The following UBE3A variants were observed in gnomAD, a reference collection of about 807,000 sequenced individuals.
UBE3A encodes the protein ubiquitin-protein ligase E3A.
Under a neutral mutation model 83.4 loss-of-function variants are expected in UBE3A, and 6 were observed. That is an observed-to-expected ratio of 0.07 (90% CI 0.04 to 0.14). The LOEUF is 0.14. Ranked by LOEUF, UBE3A falls within the 10% of genes least tolerant of loss-of-function variation. The pLI is 1.00. For missense variants in UBE3A, 456 were observed against 1,036.1 expected, an observed-to-expected ratio of 0.44 and a Z score of 7.69; for synonymous variants, 337 against 355.4, an observed-to-expected ratio of 0.95 and a Z score of 0.58.
At chr15:25,400,059 T>C (rs771808874) in intron 4 of UBE3A, among the ~76,000 whole-genome samples, 9 of 152,350 alleles carry the variant, frequency 5.9e-5, no homozygotes, top group East Asian at 3.9e-4. Flanking sequence ...AAATTTAACA[T>C]TGGAATTTTG....
chr15:25,413,164 C>A (rs1033574426), intron 1 of UBE3A: 1 of 337,030 alleles, frequency 3.0e-6, no homozygotes, highest in South Asian at 2.3e-5. Context: ...GCCAATTTAA[C>A]CATAAGAATC....
At chr15:25,405,993 G>A (rs1474042994) in intron 3 of UBE3A, among the ~76,000 whole-genome samples, 1 of 152,182 alleles carries the variant, frequency 6.6e-6, no homozygotes, top group Non-Finnish European at 1.5e-5. Flanking sequence ...TTATTGGGAT[G>A]CAGCCATACT....
At position 25,370,141 on chromosome 15, in the gene UBE3A, C is replaced by T. The variant is rs944485921; in HGVS notation, c.1608+425G>A. The stretch of plus-strand genomic sequence containing the variant: ...CAATAATGCAACTCTGAATTTTACA[C>T]GATGGAATTTTTTGGACACTACCTA... On this transcript the variant is annotated intron_variant, in intron 6 of 12. Coordinates refer to ENST00000648336, the MANE Select transcript of UBE3A (RefSeq NM_130839.5). The surrounding 1 kb of genome is among the most constrained non-coding windows in gnomAD (Gnocchi z 4.2). 1.3e-5 allele frequency among the ~76,000 whole-genome samples: 2 copies of T among 152,142 alleles called. No homozygotes were observed. Among genetic ancestry groups the T allele is most frequent in the Non-Finnish European group, 2.9e-5 (2 of 68,024 alleles).
At chr15:25,407,052 A>T (rs762475902) in intron 3 of UBE3A, 30 of 1,337,976 alleles carry the variant, frequency 2.2e-5, no homozygotes, top group Non-Finnish European at 2.9e-5. Flanking sequence ...CAAGCAAATC[A>T]CCTATGTGAC....
chr15:25,362,410 T>C (rs569600887), intron 6 of UBE3A, among the ~76,000 whole-genome samples: 1 of 152,306 alleles, frequency 6.6e-6, no homozygotes, highest in South Asian at 2.1e-4. Context: ...AACTCTCACT[T>C]ACCATAACTT....
At chr15:25,378,135 GTC>G (rs887502796) in intron 4 of UBE3A, among the ~76,000 whole-genome samples, 68 of 151,960 alleles carry the variant, frequency 4.5e-4, no homozygotes, top group Admixed American at 1.9e-3. Flanking sequence ...TTACTAAATT[GTC>G]TCTGATTTTT....
chr15:25,417,985 T>C (rs1179056230), intron 1 of UBE3A: 3 of 152,068 alleles, frequency 2.0e-5, no homozygotes, highest in Non-Finnish European at 4.4e-5. Context: ...AGAACGTACT[T>C]ACACAAATCT....
chr15:25,394,266 A>G (rs902509764), intron 4 of UBE3A, among the ~76,000 whole-genome samples: 1 of 152,146 alleles, frequency 6.6e-6, no homozygotes, highest in African/African-American at 2.4e-5. Flanking sequence ...GAGATTTTTC[A>G]ATTTCTCTTC....
chr15:25,367,071 T>G (rs1391701131), intron 6 of UBE3A, among the ~76,000 whole-genome samples: 1 of 151,674 alleles, frequency 6.6e-6, no homozygotes, highest in East Asian at 1.9e-4. Flanking sequence ...CTTTAAGAAG[T>G]AATTTAAAAA....
chr15:25,414,774 T>G (rs1264977831), intron 1 of UBE3A, among the ~76,000 whole-genome samples: 2 of 152,212 alleles, frequency 1.3e-5, no homozygotes, highest in East Asian at 3.8e-4. Context: ...TTCCCCAGTC[T>G]TTTTTGATTG....
At chr15:25,415,913 C>A (rs985827492) in intron 1 of UBE3A, 1 of 147,766 alleles carries the variant, frequency 6.8e-6, no homozygotes, top group Non-Finnish European at 1.5e-5. Context: ...AAATGTGACT[C>A]ATAGATGAAC....
intron 4 of UBE3A, among the ~76,000 whole-genome samples, chr15:25,392,885 T>C (rs1261720760): frequency 2.0e-5 from 3 of 152,130 alleles, no homozygotes; most frequent in African/African-American, 7.2e-5. Context: ...GATAAGTAAT[T>C]CTTTTTTTAG....
intron 4 of UBE3A, among the ~76,000 whole-genome samples, chr15:25,398,771 TTATATATATA>T (rs1159969391): frequency 0.046 from 3,146 of 68,878 alleles, 172 homozygotes; most frequent in African/African-American, 0.059. Flanking sequence ...ATTCTTTTAT[TTATATATATA>T]TATATATATA....
intron 2 of UBE3A, among the ~76,000 whole-genome samples, chr15:25,411,343 A>G (rs1362651267): frequency 6.6e-6 from 1 of 152,128 alleles, no homozygotes; most frequent in African/African-American, 2.4e-5. Flanking sequence ...TAATCCCAGC[A>G]CTTTGGGAGG....
At chr15:25,361,158 C>G (rs1308782342) in intron 6 of UBE3A, among the ~76,000 whole-genome samples, 1 of 143,912 alleles carries the variant, frequency 6.9e-6, no homozygotes, top group Non-Finnish European at 1.5e-5. Context: ...TGAAATCTCA[C>G]TCTGTCGCCT....
chr15:25,400,370 A>G (rs1386445901), intron 4 of UBE3A, among the ~76,000 whole-genome samples: 2 of 152,238 alleles, frequency 1.3e-5, no homozygotes, highest in Non-Finnish European at 2.9e-5. Flanking sequence ...CCTCGTGTAT[A>G]CTTTAAATCA....
At chr15:25,368,078 T>C (rs1185006699) in intron 6 of UBE3A, among the ~76,000 whole-genome samples, 1 of 152,048 alleles carries the variant, frequency 6.6e-6, no homozygotes, top group Non-Finnish European at 1.5e-5. Context: ...ATTCCAAAAT[T>C]AGCAAGTCAT....
At chr15:25,365,989 C>T (rs2079041901) in intron 6 of UBE3A, among the ~76,000 whole-genome samples, 1 of 152,146 alleles carries the variant, frequency 6.6e-6, no homozygotes, top group African/African-American at 2.4e-5. Context: ...ATTTCCAATT[C>T]TGCCATTAAT....
In UBE3A at chr15:25,438,647, G is replaced by C. The variant is rs1346841486; in HGVS notation, c.-323C>G. 2 of 152,526 alleles carry C rather than the reference G, an allele frequency of 1.3e-5. No homozygotes were observed. The highest frequency in any genetic ancestry group is 2.9e-5 in the Non-Finnish European group (2 of 68,136). The allele number at this position is 152,526 out of a possible 1,614,324, so 9.4% of individuals were successfully genotyped here. A position where few individuals can be genotyped will look rare whatever the true frequency, so the allele number is the denominator to read the frequency against. On this transcript the variant is annotated 5_prime_UTR_variant, in exon 1 of 13. Coordinates refer to ENST00000648336, the MANE Select transcript of UBE3A (RefSeq NM_130839.5). ...TTCCTTATCCGGAAAACGAGGCCGGGAAAGGGAGCGCCGGGGCCGCCGAAA... is the reference window on the plus strand; with the variant it reads ...TTCCTTATCCGGAAAACGAGGCCGGCAAAGGGAGCGCCGGGGCCGCCGAAA...
Sources: gnomAD v4.1 joint callset for allele counts (sites outside exome capture counted in the v4.1 genomes callset) on GRCh38, gnomAD v4.1.1 for gene constraint, Gnocchi (gnomAD v3.1) non-coding constraint, MANE v1.5 for transcripts, NCBI Gene and HGNC (gene_info 2026-07-23, HGNC 2026-07-21) for gene names.